Variants in TARS3 observed in about 807,000 individuals in gnomAD.
The protein encoded by TARS3 is threonine--tRNA ligase 2, cytoplasmic.
TARS3 carries 94 observed loss-of-function variants against 103.5 expected under a neutral mutation model. That is an observed-to-expected ratio of 0.91 (90% CI 0.77 to 1.08). The LOEUF (loss-of-function observed/expected upper bound fraction) is 1.08. Among genes scored for constraint, TARS3 ranks in the 50% least tolerant of loss-of-function variants. TARS3 has a pLI of 0.00. For synonymous variants in TARS3, 416 were observed against 355.4 expected (o/e 1.17, Z -1.92); for missense variants, 952 against 995.2 (o/e 0.96, Z 0.58).
chr15:101,724,391 G>A lies in TARS3; in HGVS notation c.-4C>T, dbSNP rs766642887. ...CCGCCAGGGCCTCGGCCGCCATCGC[G>A]GCCTCCCTCAGGCACCGACGCCGAG... On this transcript the variant is annotated 5_prime_UTR_variant, in exon 1 of 19. Coordinates refer to ENST00000335968, the MANE Select transcript of TARS3 (RefSeq NM_152334.3). The A allele has an allele frequency of 7.3e-4, 1,084 of 1,484,346 alleles. No individual in the cohort carries two copies. Among genetic ancestry groups the A allele is most frequent in the Non-Finnish European group, 9.3e-4 (1,047 of 1,123,292 alleles). The allele number at this position is 1,484,346 out of a possible 1,614,324, so 91.9% of individuals were successfully genotyped here. A position where few individuals can be genotyped will look rare whatever the true frequency, so the allele number is the denominator to read the frequency against.
intron 18 of TARS3, among the ~76,000 whole-genome samples, chr15:101,656,498 C>A (rs1014091266): frequency 6.6e-6 from 1 of 152,176 alleles, no homozygotes; most frequent in Non-Finnish European, 1.5e-5. Flanking sequence ...TCATCTAAAT[C>A]TTTTCCTTTA....
In TARS3 at chr15:101,711,951, G is replaced by C. The variant is rs756205765; in HGVS notation, c.741C>G (p.Tyr247Ter). The C allele has an allele frequency of 6.2e-6, 10 of 1,613,830 alleles. No individual in the cohort carries two copies. The highest frequency in any genetic ancestry group is 8.5e-6 in the Non-Finnish European group (10 of 1,179,846). ...GACCGTAGCACAGGTGGCCTCCATA[G>C]TAAAGCTCCATGGCCTCCCCAAGAA... ...AHILGEAMEL[Y>*]YGGHLCYGPP... Residue 247 changes from tyrosine to a stop codon, truncating the protein, a stop_gained, in exon 5 of 19, where the codon TAC becomes TAG. Transcript: ENST00000335968. LOFTEE classifies it high-confidence loss of function.
chr15:101,705,805 ACT>A, intron 6 of TARS3, 58 bp from the exon 7 acceptor site: 1 of 1,369,354 alleles, frequency 7.3e-7, no homozygotes, highest in Non-Finnish European at 1.0e-6. Flanking sequence ...GAAGAAAACA[ACT>A]CTACTTTTCT....
At chr15:101,685,136 G>A (rs1189809999) in intron 11 of TARS3, among the ~76,000 whole-genome samples, 1 of 152,100 alleles carries the variant, frequency 6.6e-6, no homozygotes, top group African/African-American at 2.4e-5. Flanking sequence ...TTTCTTCAGT[G>A]TTCAGTTACC....
chr15:101,705,577 T>C, intron 7 of TARS3, 106 bp downstream of exon 7: 1 of 867,998 alleles, frequency 1.2e-6, no homozygotes, highest in Non-Finnish European at 1.9e-6. Context: ...GATTATCAAC[T>C]ACACAACTTG....
intron 15 of TARS3, among the ~76,000 whole-genome samples, chr15:101,666,400 C>T (rs623901): frequency 0.35 from 51,144 of 147,302 alleles, 9,706 homozygotes; most frequent in Non-Finnish European, 0.44. Context: ...TGCTTGAACC[C>T]AGGAGGCGGA....
Position 101,661,827 on chromosome 15 carries a change from A to G in TARS3, c.1968-11T>C, listed in dbSNP as rs1897391863. Reference sequence around the variant, plus strand: ...TCATCCCCATCCTTACTAAAAAATGAAAATTATACATTTAAGTCTTTTCCT... The same window carrying G: ...TCATCCCCATCCTTACTAAAAAATGGAAATTATACATTTAAGTCTTTTCCT... On this transcript the variant is annotated splice_polypyrimidine_tract_variant and intron_variant, in intron 15 of 18. Transcript: ENST00000335968. 2 of 1,495,676 alleles carry G rather than the reference A, an allele frequency of 1.3e-6. No individual in the cohort carries two copies. The highest frequency in any genetic ancestry group is 2.8e-5 in the African/African-American group (2 of 71,044). The allele number at this position is 1,495,676 out of a possible 1,614,324, so 92.7% of individuals were successfully genotyped here. A position where few individuals can be genotyped will look rare whatever the true frequency, so the allele number is the denominator to read the frequency against.
At chr15:101,722,408 G>A (rs942700139) in intron 2 of TARS3, among the ~76,000 whole-genome samples, 7 of 151,008 alleles carry the variant, frequency 4.6e-5, no homozygotes, top group Non-Finnish European at 8.8e-5. Context: ...TTTGGGCCTA[G>A]GTATTCCTTC....
At chr15:101,699,515 G>C (rs924793713) in intron 10 of TARS3, 2 of 453,086 alleles carry the variant, frequency 4.4e-6, no homozygotes, top group East Asian at 7.0e-5. Flanking sequence ...CCCAACTTGA[G>C]AGTACAAGGT....
intron 18 of TARS3, chr15:101,656,099 A>C (rs1897189879): frequency 8.0e-7 from 1 of 1,252,414 alleles, no homozygotes; most frequent in African/African-American, 1.5e-5. Context: ...AAATGGGGAG[A>C]AATACTCCTG....
chr15:101,711,966 C>G lies in TARS3; in HGVS notation c.726G>C (p.Glu242Asp), dbSNP rs754363080. Reference sequence around the variant, plus strand: ...GGCCTCCATAGTAAAGCTCCATGGCCTCCCCAAGAATGTGAGCACTGGAGT... The same window carrying G: ...GGCCTCCATAGTAAAGCTCCATGGCGTCCCCAAGAATGTGAGCACTGGAGT... ...YWHSSAHILG[E>D]AMELYYGGHL... is the part of the protein sequence containing the mutation. Residue 242 changes from glutamate (E) to aspartate (D), a missense_variant, in exon 5 of 19, where the codon GAG (glutamate) becomes GAC (aspartate). Physicochemically the swap from Glu to Asp is conservative, Grantham distance 45. This residue lies in a region of TARS3 where 412 missense variants were observed against 364.2 expected (regional missense o/e 1.13). Coordinates refer to ENST00000335968, the MANE Select transcript of TARS3 (RefSeq NM_152334.3). The G allele has an allele frequency of 4.3e-5, 70 of 1,613,758 alleles. No individual in the cohort carries two copies. Among genetic ancestry groups the G allele is most frequent in the Non-Finnish European group, 2.5e-6 (3 of 1,179,834 alleles).
At chr15:101,717,362 A>G (rs1048865754) in intron 3 of TARS3, among the ~76,000 whole-genome samples, 6 of 152,260 alleles carry the variant, frequency 3.9e-5, no homozygotes, top group Admixed American at 3.9e-4. Context: ...CATAATGTGT[A>G]CATATGATAA....
At chr15:101,722,702 C>G (rs891737064) in intron 2 of TARS3, among the ~76,000 whole-genome samples, 4 of 149,384 alleles carry the variant, frequency 2.7e-5, no homozygotes, top group African/African-American at 9.9e-5. Context: ...ACCTGTAGTC[C>G]CAGCTACTCA....
chr15:101,697,340 C>T (rs1214356557), intron 10 of TARS3, among the ~76,000 whole-genome samples: 1 of 152,056 alleles, frequency 6.6e-6, no homozygotes, highest in East Asian at 1.9e-4. Context: ...TACGAGGTGC[C>T]AGAAACAGAT....
At chr15:101,723,309 T>C in intron 1 of TARS3, 145 bp from the exon 2 acceptor site, 1 of 669,040 alleles carries the variant, frequency 1.5e-6, no homozygotes, top group Non-Finnish European at 2.7e-6. Context: ...CAGCTCTCAG[T>C]GGGCAAGTCA....
chr15:101,666,474 C>CAAAAAAAAAAAAAAAAAA (rs11450994), intron 15 of TARS3, among the ~76,000 whole-genome samples: 1 of 45,618 alleles, frequency 2.2e-5, no homozygotes, highest in Non-Finnish European at 4.6e-5. Context: ...AGACTCATCT[C>CAAAAAAAAAAAAAAAAAA]AAAAAAAAAA....
intron 12 of TARS3, among the ~76,000 whole-genome samples, chr15:101,676,050 T>C (rs1184784919): frequency 4.6e-5 from 7 of 152,174 alleles, no homozygotes; most frequent in Non-Finnish European, 7.3e-5. Flanking sequence ...ACGCTCTGCA[T>C]GGAGCGGAAG....
At chr15:101,699,369 C>A (rs574714766) in intron 10 of TARS3, 4 of 455,608 alleles carry the variant, frequency 8.8e-6, no homozygotes, top group African/African-American at 8.0e-5. Context: ...CATTTAAGTG[C>A]CTTTACAGTT....
chr15:101,689,506 T>G (rs998429562), intron 10 of TARS3, among the ~76,000 whole-genome samples: 4 of 152,042 alleles, frequency 2.6e-5, no homozygotes, highest in African/African-American at 9.7e-5. Flanking sequence ...ATATGGCTGG[T>G]CTCTTTATAA....
Sources: gnomAD v4.1 joint callset for allele counts (sites outside exome capture counted in the v4.1 genomes callset) on GRCh38, gnomAD v4.1.1 for gene constraint, gnomAD v4.1.1 regional missense constraint, MANE v1.5 for transcripts, NCBI Gene and HGNC (gene_info 2026-07-23, HGNC 2026-07-21) for gene names.